The following ZBTB40 variants were observed in gnomAD, a reference collection of about 807,000 sequenced individuals.
The protein encoded by ZBTB40 is zinc finger and BTB domain-containing protein 40.
In ZBTB40, 60 loss-of-function variants were observed where a neutral mutation model predicts 117.5. The observed-to-expected ratio is 0.51, with a 90% CI of 0.41 to 0.63. The LOEUF (loss-of-function observed/expected upper bound fraction) is 0.63. Among genes scored for constraint, ZBTB40 ranks in the 30% least tolerant of loss-of-function variants. The probability of loss-of-function intolerance (pLI) is 0.00; values close to 1 mark genes in which losing one functional copy is unlikely to be tolerated. For synonymous variants in ZBTB40, 525 were observed against 577.1 expected (o/e 0.91, Z 1.29); for missense variants, 1,287 against 1,498.5 (o/e 0.86, Z 2.33).
At chr1:22,457,553 C>T (rs191632086) in intron 1 of ZBTB40, among the ~76,000 whole-genome samples, 51 of 152,242 alleles carry the variant, frequency 3.3e-4, no homozygotes, top group Non-Finnish European at 5.6e-4. Context: ...CAGGCACTAG[C>T]GTGGTTCTGG....
rs1639135979 is a variant in ZBTB40 at position 22,508,520 on chromosome 1, C to T, written c.1498-10C>T. 2 of 1,614,022 alleles carry T rather than the reference C, an allele frequency of 1.2e-6. No individual in the cohort carries two copies. The highest frequency in any genetic ancestry group is 1.3e-5 in the African/African-American group (1 of 74,924). On this transcript the variant is annotated splice_polypyrimidine_tract_variant and intron_variant, in intron 7 of 17. Transcript: ENST00000375647. Reference sequence around the variant, plus strand: ...GTCTCTTACGTGAGTGTTTGTGTTACATCTTGAAGGTCATGGAGAAGCTTG... The same window carrying T: ...GTCTCTTACGTGAGTGTTTGTGTTATATCTTGAAGGTCATGGAGAAGCTTG...
At chr1:22,508,174 A>G (rs745828713) in intron 7 of ZBTB40, 37 bp downstream of exon 7, 112 of 1,608,434 alleles carry the variant, frequency 7.0e-5, no homozygotes, top group Non-Finnish European at 8.5e-5. Context: ...GGGGAGGGTA[A>G]AATGAGAAAG....
chr1:22,429,548 C>A (rs1342567724), intron 1 of ZBTB40, among the ~76,000 whole-genome samples: 1 of 152,152 alleles, frequency 6.6e-6, no homozygotes, highest in African/African-American at 2.4e-5. Context: ...CTCCCATCAG[C>A]ATTATTAAGT....
intron 1 of ZBTB40, among the ~76,000 whole-genome samples, chr1:22,465,738 CT>C (rs147030123): frequency 0.056 from 8,487 of 152,172 alleles, 750 homozygotes; most frequent in East Asian, 0.37. Context: ...GCAGGGATGC[CT>C]GAGTTGCAGC....
At chr1:22,470,667 A>G (rs1641380356) in intron 1 of ZBTB40, among the ~76,000 whole-genome samples, 1 of 152,276 alleles carries the variant, frequency 6.6e-6, no homozygotes, top group Non-Finnish European at 1.5e-5. Flanking sequence ...GATACCTGCC[A>G]AAAGTTATCT....
intron 1 of ZBTB40, among the ~76,000 whole-genome samples, chr1:22,469,092 G>C (rs1045688015): frequency 7.2e-5 from 11 of 152,046 alleles, no homozygotes; most frequent in African/African-American, 2.2e-4. Flanking sequence ...GCCTCCCAAA[G>C]TGCTGGGATT....
intron 1 of ZBTB40, among the ~76,000 whole-genome samples, chr1:22,479,535 C>T (rs1250037402): frequency 6.6e-6 from 1 of 152,102 alleles, no homozygotes; most frequent in Non-Finnish European, 1.5e-5. Context: ...TCTGTATCAG[C>T]CTAGTTGTCA....
At chr1:22,451,118 C>A (rs1569755016), upstream of ZBTB40, among the ~76,000 whole-genome samples, 1 of 152,160 alleles carries the variant, frequency 6.6e-6, no homozygotes, top group Non-Finnish European at 1.5e-5. Flanking sequence ...CCCCTAAATC[C>A]CAAAATTGGG....
At chr1:22,460,543 G>C (rs1243797035) in intron 1 of ZBTB40, among the ~76,000 whole-genome samples, 1 of 152,046 alleles carries the variant, frequency 6.6e-6, no homozygotes, top group African/African-American at 2.4e-5. Flanking sequence ...CAACAACTAA[G>C]CAATAGGTAT....
intron 6 of ZBTB40, among the ~76,000 whole-genome samples, chr1:22,507,739 C>G (rs1006247405): frequency 4.6e-5 from 7 of 152,172 alleles, no homozygotes; most frequent in Admixed American, 6.5e-5. Flanking sequence ...CTAATTACCC[C>G]CCTGGTGAGC....
intron 3 of ZBTB40, among the ~76,000 whole-genome samples, chr1:22,498,987 A>T (rs1167482924): frequency 2.0e-5 from 3 of 152,256 alleles, no homozygotes; most frequent in Non-Finnish European, 4.4e-5. Flanking sequence ...ACTTCAAGCA[A>T]CAAACATTTA....
chr1:22,463,663 G>A (rs1198273181), intron 1 of ZBTB40, among the ~76,000 whole-genome samples: 1 of 152,174 alleles, frequency 6.6e-6, no homozygotes, highest in Non-Finnish European at 1.5e-5. Flanking sequence ...GAGTTATCTT[G>A]GATGAACTAC....
intron 5 of ZBTB40, among the ~76,000 whole-genome samples, chr1:22,505,176 A>G (rs1639045355): frequency 6.6e-6 from 1 of 152,232 alleles, no homozygotes. Context: ...CCCAAAGGAA[A>G]GCTCAAAATT....
intron 1 of ZBTB40, among the ~76,000 whole-genome samples, chr1:22,431,237 A>G (rs139676261): frequency 6.7e-5 from 10 of 149,544 alleles, no homozygotes; most frequent in Non-Finnish European, 1.0e-4. Context: ...GCATTTATAT[A>G]TAGTATGCAT....
intron 6 of ZBTB40, among the ~76,000 whole-genome samples, 197 bp downstream of exon 6, chr1:22,506,438 C>T (rs574435390): frequency 6.6e-6 from 1 of 152,304 alleles, no homozygotes; most frequent in Admixed American, 6.5e-5. Flanking sequence ...TGACTCTTCT[C>T]GGTTAAGCTC....
chr1:22,520,093 A>C lies in ZBTB40; in HGVS notation c.2866A>C (p.Arg956=). 6.2e-7 allele frequency: 1 copy of C among 1,614,238 alleles called. No individual in the cohort carries two copies. Among genetic ancestry groups the C allele is most frequent in the South Asian group, 1.1e-5 (1 of 91,086 alleles). The part of the protein sequence containing the change: ...IEDPYDCKKC[R]MSFPTLQDHR... Reference sequence around the variant, plus strand: ...AGATCCTTATGACTGCAAGAAGTGCAGGATGAGTTTCCCCACTCTTCAGGA... The same window carrying C: ...AGATCCTTATGACTGCAAGAAGTGCCGGATGAGTTTCCCCACTCTTCAGGA... The change falls in exon 14 of 18, where the codon AGG becomes CGG. Residue 956 remains arginine (R), a synonymous_variant. Transcript: ENST00000375647.
rs2124459366 is a variant in ZBTB40 at position 22,512,009 on chromosome 1, A to G, written c.2336A>G (p.Lys779Arg). 6.2e-7 allele frequency: 1 copy of G among 1,614,194 alleles called. No individual in the cohort carries two copies. The highest frequency in any genetic ancestry group is 8.5e-7 in the Non-Finnish European group (1 of 1,180,038). ...KECSETKDSK[K>R]ELDKHQLEAH... is the part of the protein sequence containing the mutation. ...TGCAGTGAGACCAAGGATTCAAAGA[A>G]AGAGCTGGACAAACATCAGCTGGAG... The change falls in exon 11 of 18, where the codon AAA becomes AGA. Residue 779 changes from lysine to arginine, a missense_variant. Physicochemically the swap from Lys to Arg is conservative, Grantham distance 26. Coordinates refer to ENST00000375647, the MANE Select transcript of ZBTB40 (RefSeq NM_014870.4).
rs192049270 is a variant in ZBTB40 at position 22,509,182 on chromosome 1, G to A, written c.1782G>A (p.Glu594=). ...TGGAGGCCATCCAACAGAAGATTGA[G>A]TACAAGCTCTTTACCTCGGAGGAGG... ...LILEAIQQKI[E]YKLFTSEEEH... The change falls in exon 9 of 18, where the codon GAG becomes GAA. Residue 594 remains glutamate (E), a synonymous_variant. Coordinates refer to ENST00000375647, the MANE Select transcript of ZBTB40 (RefSeq NM_014870.4). The A allele has an allele frequency of 1.5e-5, 24 of 1,614,132 alleles. No individual in the cohort carries two copies. In the East Asian group the frequency reaches 5.1e-4, roughly 34 times the overall value.
chr1:22,451,223 GGACGC>G (rs1640861715), upstream of ZBTB40, among the ~76,000 whole-genome samples: 1 of 152,226 alleles, frequency 6.6e-6, no homozygotes, highest in Non-Finnish European at 1.5e-5. Flanking sequence ...TGCGGGCTGG[GGACGC>G]GGCTCAGGTC....
Sources: gnomAD v4.1 joint callset for allele counts (sites outside exome capture counted in the v4.1 genomes callset) on GRCh38, gnomAD v4.1.1 for gene constraint, MANE v1.5 for transcripts, NCBI Gene and HGNC (gene_info 2026-07-23, HGNC 2026-07-21) for gene names.